CMSS1: variants seen among roughly 807,000 people sequenced by gnomAD.
The protein encoded by CMSS1 is protein CMSS1.
CMSS1 carries 33 observed loss-of-function variants against 43.5 expected under a neutral mutation model. The ratio of observed to expected loss-of-function variants is 0.76; its 90% CI spans 0.57 to 1.01. The LOEUF (loss-of-function observed/expected upper bound fraction) is 1.01. Among genes scored for constraint, CMSS1 ranks in the 50% least tolerant of loss-of-function variants. CMSS1 has a pLI of 0.00. For synonymous variants in CMSS1, 115 were observed against 117.2 expected (o/e 0.98, Z 0.12); for missense variants, 313 against 326.4 (o/e 0.96, Z 0.32).
intron 1 of CMSS1, among the ~76,000 whole-genome samples, chr3:100,038,428 C>A (rs1215743800): frequency 6.6e-6 from 1 of 152,046 alleles, no homozygotes; most frequent in African/African-American, 2.4e-5. Flanking sequence ...TCTTTTTTCA[C>A]CATTTTTTTG....
chr3:100,051,374 A>T (rs950861347), intron 1 of CMSS1: 2 of 151,758 alleles, frequency 1.3e-5, no homozygotes, highest in Non-Finnish European at 1.5e-5. Flanking sequence ...ATATATATAT[A>T]TTTTAAGTTT....
chr3:100,063,598 G>A (rs1286772266), intron 1 of CMSS1, among the ~76,000 whole-genome samples: 3 of 152,214 alleles, frequency 2.0e-5, no homozygotes, highest in Admixed American at 6.5e-5. Context: ...TTCTCATCCA[G>A]ACTTTGGTAG....
At chr3:99,905,187 CTT>C (rs1706573592) in intron 1 of CMSS1, among the ~76,000 whole-genome samples, 1 of 152,342 alleles carries the variant, frequency 6.6e-6, no homozygotes, top group Non-Finnish European at 1.5e-5. Context: ...CAGGCCAACT[CTT>C]TGCTTTCCAC....
rs539919005 is a variant in CMSS1, at chr3:100,148,347, T to C, written c.153+1286T>C. 2.0e-5 allele frequency among the ~76,000 whole-genome samples: 3 copies of C among 152,344 alleles called. No homozygotes were observed. In the South Asian group the frequency reaches 6.2e-4, roughly 32 times the overall value. On this transcript the variant is annotated intron_variant, in intron 2 of 9. Coordinates refer to ENST00000421999, the MANE Select transcript of CMSS1 (RefSeq NM_032359.4). ...TCTTTCCCTTGGCCTCCCAAAGTGC[T>C]GGGATTACAGGCATGAGCCGCAGTG...
intron 1 of CMSS1, among the ~76,000 whole-genome samples, chr3:100,140,351 C>G (rs1437748153): frequency 6.6e-6 from 1 of 152,104 alleles, no homozygotes; most frequent in Non-Finnish European, 1.5e-5. Context: ...CCCCAGAAGT[C>G]CCCCACTTCC....
chr3:99,819,441 T>A (rs1264094032), intron 1 of CMSS1, among the ~76,000 whole-genome samples: 1 of 152,242 alleles, frequency 6.6e-6, no homozygotes, highest in Non-Finnish European at 1.5e-5. Context: ...AGAAAGGCAG[T>A]CAACATGTAT....
At chr3:100,017,036 T>G (rs748348840) in intron 1 of CMSS1, among the ~76,000 whole-genome samples, 4 of 152,226 alleles carry the variant, frequency 2.6e-5, no homozygotes, top group Non-Finnish European at 2.9e-5. Context: ...GTTTTTCAAA[T>G]TCACCAGTTT....
intron 1 of CMSS1, among the ~76,000 whole-genome samples, chr3:99,885,546 T>G (rs776263110): frequency 5.1e-4 from 78 of 152,386 alleles, no homozygotes; most frequent in Non-Finnish European, 8.4e-4. Flanking sequence ...TAAACTTACT[T>G]TGATACTTCT....
chr3:99,845,234 G>A (rs1328381862), intron 1 of CMSS1, among the ~76,000 whole-genome samples: 1 of 152,158 alleles, frequency 6.6e-6, no homozygotes, highest in Non-Finnish European at 1.5e-5. Flanking sequence ...TGCCCCTAGA[G>A]AGCAGTGGCA....
intron 1 of CMSS1, among the ~76,000 whole-genome samples, chr3:99,957,593 G>T (rs924191475): frequency 1.3e-5 from 2 of 151,398 alleles, no homozygotes; most frequent in Non-Finnish European, 2.9e-5. Context: ...TCACCCTCTG[G>T]GGCCTCCTAT....
intron 1 of CMSS1, among the ~76,000 whole-genome samples, chr3:99,908,220 C>T (rs1216214629): frequency 2.0e-5 from 3 of 152,120 alleles, no homozygotes; most frequent in African/African-American, 7.2e-5. Flanking sequence ...ATGTCCATTA[C>T]CTAATTTGAC....
chr3:100,034,518 G>A (rs1440359366), intron 1 of CMSS1, among the ~76,000 whole-genome samples: 1 of 152,184 alleles, frequency 6.6e-6, no homozygotes, highest in Admixed American at 6.5e-5. Flanking sequence ...AAGGTTCTTT[G>A]TGTTGCCTAA....
intron 1 of CMSS1, among the ~76,000 whole-genome samples, chr3:99,866,602 T>C (rs1439720606): frequency 6.6e-6 from 1 of 152,146 alleles, no homozygotes; most frequent in East Asian, 1.9e-4. Context: ...GGAAATTTAA[T>C]ACATTTAAGA....
intron 1 of CMSS1, among the ~76,000 whole-genome samples, chr3:100,012,947 T>C (rs540790594): frequency 1.3e-5 from 2 of 152,026 alleles, no homozygotes; most frequent in African/African-American, 2.4e-5. Flanking sequence ...CAATTTTTTA[T>C]TTTATGTATG....
intron 1 of CMSS1, among the ~76,000 whole-genome samples, chr3:99,877,079 C>G (rs2107596709): frequency 6.6e-6 from 1 of 152,276 alleles, no homozygotes; most frequent in East Asian, 1.9e-4. Context: ...TTGTACAAAT[C>G]CTACTTCTTG....
At chr3:100,024,891 A>G (rs17392822) in intron 1 of CMSS1, among the ~76,000 whole-genome samples, 1,784 of 152,280 alleles carry the variant, frequency 0.012, 23 homozygotes, top group African/African-American at 0.026. Flanking sequence ...CTTTCAAGCT[A>G]TCAGGGCACC....
At chr3:99,876,404 C>G (rs969829302) in intron 1 of CMSS1, among the ~76,000 whole-genome samples, 3 of 145,110 alleles carry the variant, frequency 2.1e-5, no homozygotes, top group African/African-American at 7.8e-5. Context: ...TGGGCCGGGG[C>G]GCCGGCGCCC....
intron 1 of CMSS1, among the ~76,000 whole-genome samples, chr3:99,897,718 T>A (rs771982491): frequency 1.1e-4 from 17 of 152,196 alleles, no homozygotes; most frequent in Non-Finnish European, 2.4e-4. Context: ...GTTTATTATA[T>A]TTTTTGTCAT....
Position 99,830,387 on chromosome 3 carries a change from T to C in CMSS1, c.64+12344T>C, listed in dbSNP as rs188654825. 1.8e-3 allele frequency: 706 copies of C among 387,200 alleles called. 3 individuals carry two copies. The highest frequency in any genetic ancestry group is 0.013 in the African/African-American group (645 of 48,086). The allele number at this position is 387,200 out of a possible 1,614,324, so 24.0% of individuals were successfully genotyped here. A position where few individuals can be genotyped will look rare whatever the true frequency, so the allele number is the denominator to read the frequency against. ...CTTTCCACATATTTCTGTAGATGAA[T>C]GTATCCAGGCAGTGCATTGGTATGA... On this transcript the variant is annotated intron_variant, in intron 1 of 9. Coordinates refer to ENST00000421999, the MANE Select transcript of CMSS1 (RefSeq NM_032359.4).
Sources: gnomAD v4.1 joint callset for allele counts (sites outside exome capture counted in the v4.1 genomes callset) on GRCh38, gnomAD v4.1.1 for gene constraint, MANE v1.5 for transcripts, NCBI Gene and HGNC (gene_info 2026-07-23, HGNC 2026-07-21) for gene names.